The following HSPA12A variants were observed in gnomAD, a reference collection of about 807,000 sequenced individuals.
HSPA12A encodes the protein heat shock protein family A (Hsp70) member 12A.
HSPA12A carries 28 observed loss-of-function variants against 69.2 expected under a neutral mutation model. The observed-to-expected ratio is 0.40, with a 90% CI of 0.30 to 0.55. HSPA12A has a LOEUF of 0.55. Ranked by LOEUF, HSPA12A falls within the 20% of genes least tolerant of loss-of-function variation. HSPA12A has a pLI of 0.38. For missense variants in HSPA12A, 686 were observed against 900.7 expected (o/e 0.76, Z 3.05); for synonymous variants, 345 against 370.5 (o/e 0.93, Z 0.79).
chr10:116,780,330 A>G, intron 2 of HSPA12A, among the ~76,000 whole-genome samples: 1 of 151,442 alleles, frequency 6.6e-6, no homozygotes, highest in East Asian at 1.9e-4. Flanking sequence ...CAATATTTTT[A>G]TTTATTTTTA....
At chr10:116,679,388 G>A in intron 10 of HSPA12A, 115 bp downstream of exon 10, 1 of 1,290,890 alleles carries the variant, frequency 7.7e-7, no homozygotes, top group Non-Finnish European at 1.1e-6. Flanking sequence ...CTTGCCCAAG[G>A]TCATACAGCA....
intron 1 of HSPA12A, among the ~76,000 whole-genome samples, chr10:116,716,406 T>C (rs1372012842): frequency 2.0e-5 from 3 of 150,356 alleles, no homozygotes; most frequent in Admixed American, 6.6e-5. Flanking sequence ...CTGTGACCCT[T>C]TGTACAAGCT....
intron 1 of HSPA12A, among the ~76,000 whole-genome samples, chr10:116,740,355 G>A (rs1851447337): frequency 6.6e-6 from 1 of 152,120 alleles, no homozygotes; most frequent in Non-Finnish European, 1.5e-5. Context: ...TAGGGGCCAG[G>A]GGCAAGCCAA....
At chr10:116,783,555 C>A (rs1844509990) in intron 2 of HSPA12A, among the ~76,000 whole-genome samples, 1 of 152,202 alleles carries the variant, frequency 6.6e-6, no homozygotes, top group African/African-American at 2.4e-5. Context: ...CCACCGTCCC[C>A]ACCCCAGTCC....
At chr10:116,719,956 A>G (rs1850722241) in intron 1 of HSPA12A, among the ~76,000 whole-genome samples, 1 of 152,206 alleles carries the variant, frequency 6.6e-6, no homozygotes, top group Non-Finnish European at 1.5e-5. Flanking sequence ...AAGAGCAGTG[A>G]AAAAGTAAAG....
chr10:116,805,270 C>G (rs1035808364), intron 2 of HSPA12A, among the ~76,000 whole-genome samples: 1 of 152,076 alleles, frequency 6.6e-6, no homozygotes, highest in African/African-American at 2.4e-5. Flanking sequence ...GAGCCGAGAT[C>G]GCGCCACTGC....
intron 2 of HSPA12A, among the ~76,000 whole-genome samples, chr10:116,813,921 A>C (rs1845247694): frequency 6.6e-6 from 1 of 152,136 alleles, no homozygotes; most frequent in Admixed American, 6.5e-5. Flanking sequence ...ATGTCTAGTA[A>C]TAGAATAACA....
intron 1 of HSPA12A, among the ~76,000 whole-genome samples, chr10:116,709,746 G>A (rs1463272909): frequency 6.6e-6 from 1 of 152,072 alleles, no homozygotes; most frequent in Non-Finnish European, 1.5e-5. Context: ...TTCTCTTTGG[G>A]GTAGTGAAAA....
intron 2 of HSPA12A, among the ~76,000 whole-genome samples, chr10:116,765,579 A>C (rs528982641): frequency 6.6e-6 from 1 of 152,330 alleles, no homozygotes; most frequent in East Asian, 1.9e-4. Flanking sequence ...AGAGGGCAGA[A>C]AGGAAGATTT....
chr10:116,684,540 C>T (rs1012863270), intron 6 of HSPA12A, among the ~76,000 whole-genome samples: 7 of 151,814 alleles, frequency 4.6e-5, no homozygotes, highest in Admixed American at 2.0e-4. Flanking sequence ...ATCTCCAGAG[C>T]GCTAGGAGGG....
At chr10:116,695,943 TG>T (rs1248596219) in intron 5 of HSPA12A, among the ~76,000 whole-genome samples, 1 of 135,038 alleles carries the variant, frequency 7.4e-6, no homozygotes, top group Non-Finnish European at 1.5e-5. Context: ...GCAGAGGTTG[TG>T]GTGAGCCGAG....
chr10:116,702,046 T>C (rs76015034), intron 3 of HSPA12A, among the ~76,000 whole-genome samples: 3,753 of 151,848 alleles, frequency 0.025, 167 homozygotes, highest in African/African-American at 0.085. Context: ...GGTGGGAGGA[T>C]TGCAGTGAGC....
At chr10:116,815,565 A>C (rs1845287755) in intron 2 of HSPA12A, among the ~76,000 whole-genome samples, 1 of 152,174 alleles carries the variant, frequency 6.6e-6, no homozygotes, top group South Asian at 2.1e-4. Context: ...GAAGAGTGAG[A>C]CCCTGTCTCA....
At position 116,742,424 on chromosome 10, in the gene HSPA12A, G is replaced by T; in HGVS notation, c.40+6C>A. On this transcript the variant is annotated splice_donor_region_variant and intron_variant, in intron 1 of 11. Coordinates refer to ENST00000369209, the MANE Select transcript of HSPA12A (RefSeq NM_025015.3). ...CGCGGCCGCAGGACCCGCAGCCTGC[G>T]CTCACCTCGGGGCCCGTCGCTGCCG... 4 of 1,434,122 alleles carry T rather than the reference G, an allele frequency of 2.8e-6. No homozygotes were observed. Among genetic ancestry groups the T allele is most frequent in the Non-Finnish European group, 3.7e-6 (4 of 1,095,660 alleles). 88.8% of individuals were successfully genotyped at this position (1,434,122 alleles called of 1,614,324 possible).
intron 2 of HSPA12A, among the ~76,000 whole-genome samples, chr10:116,757,348 G>T (rs531889085): frequency 6.6e-6 from 1 of 152,322 alleles, no homozygotes; most frequent in South Asian, 2.1e-4. Context: ...GACCCCTCCA[G>T]GTCCAAGTGA....
chr10:116,804,204 C>G (rs1257723185), intron 2 of HSPA12A, among the ~76,000 whole-genome samples: 1 of 152,180 alleles, frequency 6.6e-6, no homozygotes, highest in African/African-American at 2.4e-5. Context: ...CTTATTTTCA[C>G]CTGACGACGG....
At chr10:116,816,699 T>A (rs1389031720) in intron 2 of HSPA12A, among the ~76,000 whole-genome samples, 2 of 152,210 alleles carry the variant, frequency 1.3e-5, no homozygotes, top group African/African-American at 4.8e-5. Context: ...ATGATTTTTT[T>A]AAATGGGGTT....
chr10:116,790,580 G>A (rs1844683147), intron 2 of HSPA12A, among the ~76,000 whole-genome samples: 1 of 152,096 alleles, frequency 6.6e-6, no homozygotes, highest in Non-Finnish European at 1.5e-5. Context: ...CTCTTTCCCT[G>A]GCTTCATTCA....
At chr10:116,746,926 C>T (rs1554887870), upstream of HSPA12A, among the ~76,000 whole-genome samples, 1 of 152,184 alleles carries the variant, frequency 6.6e-6, no homozygotes, top group African/African-American at 2.4e-5. Context: ...TAGGATATGC[C>T]AGCGGAACGT....
Sources: gnomAD v4.1 joint callset for allele counts (sites outside exome capture counted in the v4.1 genomes callset) on GRCh38, gnomAD v4.1.1 for gene constraint, MANE v1.5 for transcripts, NCBI Gene and HGNC (gene_info 2026-07-23, HGNC 2026-07-21) for gene names.